The following GRIK1 variants were observed in gnomAD, a reference collection of about 807,000 sequenced individuals.
The protein encoded by GRIK1 is glutamate ionotropic receptor kainate type subunit 1, also known as glutamate receptor ionotropic, kainate 1.
A neutral mutation model predicts 105.7 loss-of-function variants in GRIK1; 69 were observed. The ratio of observed to expected loss-of-function variants is 0.65; its 90% CI spans 0.54 to 0.80. The LOEUF is 0.80. Ranked by LOEUF, GRIK1 falls within the 30% of genes least tolerant of loss-of-function variation. GRIK1 has a pLI of 0.00. For missense variants in GRIK1, 1,109 were observed against 1,167.3 expected (o/e 0.95, Z 0.73); for synonymous variants, 438 against 431.3 (o/e 1.02, Z -0.19).
At chr21:29,905,997 T>C in intron 1 of GRIK1, among the ~76,000 whole-genome samples, 1 of 152,082 alleles carries the variant, frequency 6.6e-6, no homozygotes, top group Admixed American at 6.6e-5. Context: ...GGAGTGTGTG[T>C]ATGCATTTTG....
intron 1 of GRIK1, among the ~76,000 whole-genome samples, chr21:29,769,123 A>G (rs1316698760): frequency 6.6e-6 from 1 of 152,150 alleles, no homozygotes; most frequent in Non-Finnish European, 1.5e-5. Flanking sequence ...GTGCCTGGCT[A>G]CTAGTAGGTG....
chr21:29,750,617 C>A (rs1463135257), intron 1 of GRIK1, among the ~76,000 whole-genome samples: 2 of 151,996 alleles, frequency 1.3e-5, no homozygotes, highest in African/African-American at 4.8e-5. Flanking sequence ...GCAGTATGGT[C>A]CAATCTCTCC....
At chr21:29,832,246 G>A (rs1484866846) in intron 1 of GRIK1, among the ~76,000 whole-genome samples, 2 of 152,180 alleles carry the variant, frequency 1.3e-5, no homozygotes, top group Non-Finnish European at 2.9e-5. Flanking sequence ...TTGAGTGCCT[G>A]TGGCTTTTCC....
At chr21:29,877,561 A>T (rs1313366174) in intron 1 of GRIK1, among the ~76,000 whole-genome samples, 1 of 152,168 alleles carries the variant, frequency 6.6e-6, no homozygotes, top group African/African-American at 2.4e-5. Context: ...CTCATGCTGT[A>T]TTACAGACCA....
At chr21:29,568,232 C>T (rs538961281) in intron 14 of GRIK1, among the ~76,000 whole-genome samples, 2 of 152,326 alleles carry the variant, frequency 1.3e-5, no homozygotes, top group East Asian at 3.9e-4. Context: ...GTAAAATTAG[C>T]TGGATTTTTC....
chr21:29,779,566 C>T (rs942444397), intron 1 of GRIK1, among the ~76,000 whole-genome samples: 5 of 151,854 alleles, frequency 3.3e-5, no homozygotes, highest in Admixed American at 2.0e-4. Context: ...TTATCTTTAC[C>T]ACCCACAAAA....
chr21:29,591,290 C>T, intron 9 of GRIK1, 65 bp from the exon 10 acceptor site: 1 of 924,576 alleles, frequency 1.1e-6, no homozygotes, highest in South Asian at 1.3e-5. Context: ...CAAAGAGAGG[C>T]CCCTTCTCTA....
At chr21:29,785,845 G>C (rs2066245752) in intron 1 of GRIK1, among the ~76,000 whole-genome samples, 1 of 152,182 alleles carries the variant, frequency 6.6e-6, no homozygotes, top group African/African-American at 2.4e-5. Context: ...TTGGAGAGAT[G>C]CTGCCACAGT....
At chr21:29,656,770 G>A (rs1019132699) in intron 4 of GRIK1, among the ~76,000 whole-genome samples, 1 of 152,166 alleles carries the variant, frequency 6.6e-6, no homozygotes, top group Non-Finnish European at 1.5e-5. Context: ...AATAAAGAGG[G>A]TATTAGATGA....
At chr21:29,599,861 G>A (rs945363544) in intron 7 of GRIK1, among the ~76,000 whole-genome samples, 1 of 152,168 alleles carries the variant, frequency 6.6e-6, no homozygotes, top group Non-Finnish European at 1.5e-5. Flanking sequence ...AGCACTTCGG[G>A]ATGCCGAGGT....
chr21:29,786,593 C>T (rs1346605657), intron 1 of GRIK1, among the ~76,000 whole-genome samples: 1 of 152,288 alleles, frequency 6.6e-6, no homozygotes, highest in Non-Finnish European at 1.5e-5. Context: ...CACCAGTTTG[C>T]TTTTTGTTAA....
intron 1 of GRIK1, among the ~76,000 whole-genome samples, chr21:29,829,019 A>C (rs2067553776): frequency 6.6e-6 from 1 of 152,178 alleles, no homozygotes. Flanking sequence ...TCAGGGGTCT[A>C]CTGCCATGAA....
intron 1 of GRIK1, among the ~76,000 whole-genome samples, chr21:29,793,803 A>C (rs2066487549): frequency 6.6e-6 from 1 of 152,232 alleles, no homozygotes; most frequent in African/African-American, 2.4e-5. Flanking sequence ...GGTGCTCCAC[A>C]GATTTGCTTT....
At chr21:29,621,084 C>G (rs1379047707) in intron 7 of GRIK1, among the ~76,000 whole-genome samples, 1 of 151,824 alleles carries the variant, frequency 6.6e-6, no homozygotes, top group Non-Finnish European at 1.5e-5. Context: ...TGACTAAACC[C>G]AATTGTGAAT....
chr21:29,664,452 G>A (rs1426591013), intron 4 of GRIK1, among the ~76,000 whole-genome samples: 1 of 152,116 alleles, frequency 6.6e-6, no homozygotes, highest in Non-Finnish European at 1.5e-5. Flanking sequence ...CTCAAATAAT[G>A]TGACATATGT....
At chr21:29,939,330 T>G in intron 1 of GRIK1, 53 bp downstream of exon 1, 4 of 1,073,042 alleles carry the variant, frequency 3.7e-6, no homozygotes, top group Non-Finnish European at 5.6e-6. Flanking sequence ...TACACCCGCG[T>G]TGGTGCGGCG....
chr21:29,878,032 A>G (rs1246532679), intron 1 of GRIK1, among the ~76,000 whole-genome samples: 3 of 152,158 alleles, frequency 2.0e-5, no homozygotes, highest in Non-Finnish European at 4.4e-5. Context: ...TTTTTGGAGA[A>G]AATATTTGAA....
chr21:29,924,295 C>T (rs1171915126), intron 1 of GRIK1, among the ~76,000 whole-genome samples: 1 of 150,630 alleles, frequency 6.6e-6, no homozygotes, highest in Non-Finnish European at 1.5e-5. Context: ...CGAGATCATG[C>T]CACTGCACTC....
intron 1 of GRIK1, among the ~76,000 whole-genome samples, chr21:29,725,043 A>G (rs2064420990): frequency 6.6e-6 from 1 of 150,426 alleles, no homozygotes; most frequent in Non-Finnish European, 1.5e-5. Flanking sequence ...CTACTGCCAC[A>G]TGGGATGTTT....
Sources: gnomAD v4.1 joint callset for allele counts (sites outside exome capture counted in the v4.1 genomes callset) on GRCh38, gnomAD v4.1.1 for gene constraint, MANE v1.5 for transcripts, NCBI Gene and HGNC (gene_info 2026-07-23, HGNC 2026-07-21) for gene names.